The following SEC63 variants were observed in gnomAD, a reference collection of about 807,000 sequenced individuals.
SEC63 encodes the protein SEC63 protein translocation regulator, also known as translocation protein SEC63 homolog.
SEC63 carries 56 observed loss-of-function variants against 116.2 expected under a neutral mutation model. That is an observed-to-expected ratio of 0.48 (90% CI 0.39 to 0.60). SEC63 has a LOEUF of 0.60. Ranked by LOEUF, SEC63 falls within the 20% of genes least tolerant of loss-of-function variation. The probability of loss-of-function intolerance (pLI) is 0.00; values close to 1 mark genes in which losing one functional copy is unlikely to be tolerated. For missense variants in SEC63, 668 were observed against 900.0 expected (o/e 0.74, Z 3.30); for synonymous variants, 273 against 294.6 (o/e 0.93, Z 0.75).
At chr6:107,912,847 G>A in intron 5 of SEC63, 73 bp from the exon 6 acceptor site, 2 of 1,115,574 alleles carry the variant, frequency 1.8e-6, no homozygotes, top group Non-Finnish European at 1.3e-6. Flanking sequence ...AATATATTTG[G>A]GATCTATAAT....
chr6:107,900,104 T>C (rs1786965091), intron 13 of SEC63, among the ~76,000 whole-genome samples: 1 of 152,092 alleles, frequency 6.6e-6, no homozygotes, highest in South Asian at 2.1e-4. Context: ...TATAAATAAA[T>C]GGTACAATGT....
At chr6:107,948,156 A>G (rs1281642463) in intron 1 of SEC63, among the ~76,000 whole-genome samples, 1 of 152,010 alleles carries the variant, frequency 6.6e-6, no homozygotes, top group Non-Finnish European at 1.5e-5. Flanking sequence ...CCAAATCCCA[A>G]AATATAATTA....
At chr6:107,929,170 A>G (rs1407724279) in intron 2 of SEC63, among the ~76,000 whole-genome samples, 1 of 152,186 alleles carries the variant, frequency 6.6e-6, no homozygotes, top group African/African-American at 2.4e-5. Flanking sequence ...CAAGGTGCAC[A>G]AGGTCCCTCA....
At chr6:107,891,219 G>C (rs1224610271) in intron 16 of SEC63, among the ~76,000 whole-genome samples, 2 of 151,934 alleles carry the variant, frequency 1.3e-5, no homozygotes, top group African/African-American at 2.4e-5. Flanking sequence ...ACATAGATTT[G>C]GTCTTTTCAC....
rs1429615853 is a variant in SEC63, at chr6:107,871,345, G to A, written c.*359C>T. 4.2e-6 allele frequency: 1 copy of A among 235,538 alleles called. No homozygotes were observed. Among genetic ancestry groups the A allele is most frequent in the Admixed American group, 5.1e-5 (1 of 19,634 alleles). The allele number at this position is 235,538 out of a possible 1,614,324, so 14.6% of individuals were successfully genotyped here. On this transcript the variant is annotated 3_prime_UTR_variant, in exon 21 of 21. Transcript: ENST00000369002. ...TTTGCTAAAACTAAAGCTGAACAAA[G>A]AAAAGTCGCTCATTTACAGACTGTG...
chr6:107,870,695 T>C lies in SEC63; in HGVS notation c.*1009A>G, dbSNP rs1425526774. 6.6e-6 allele frequency: 1 copy of C among 152,176 alleles called. No homozygotes were observed. The highest frequency in any genetic ancestry group is 1.5e-5 in the Non-Finnish European group (1 of 68,028). 9.4% of individuals were successfully genotyped at this position (152,176 alleles called of 1,614,324 possible). On this transcript the variant is annotated 3_prime_UTR_variant, in exon 21 of 21. Transcript: ENST00000369002. ...TGTACAATACTATTCAATCTTTAGT[T>C]GAAAAATAAAGAAGTGGATTGCCCT... is the stretch of plus-strand genomic sequence containing the variant.
At chr6:107,920,653 G>C (rs1167565821) in intron 4 of SEC63, among the ~76,000 whole-genome samples, 1 of 152,028 alleles carries the variant, frequency 6.6e-6, no homozygotes, top group Non-Finnish European at 1.5e-5. Flanking sequence ...ATACATCACT[G>C]AGTCCTCAAA....
chr6:107,948,542 C>T (rs1389879037), intron 1 of SEC63, among the ~76,000 whole-genome samples: 2 of 152,140 alleles, frequency 1.3e-5, no homozygotes, highest in Non-Finnish European at 2.9e-5. Flanking sequence ...TGCAACTTTC[C>T]GGGAAAGGCT....
At chr6:107,908,790 G>C in intron 8 of SEC63, 137 bp downstream of exon 8, 1 of 547,462 alleles carries the variant, frequency 1.8e-6, no homozygotes, top group South Asian at 2.5e-5. Flanking sequence ...TTTTTCTCTA[G>C]CTTTAATTAT....
chr6:107,947,786 T>C (rs1209137398), intron 1 of SEC63, among the ~76,000 whole-genome samples: 4 of 152,170 alleles, frequency 2.6e-5, no homozygotes, highest in African/African-American at 9.7e-5. Flanking sequence ...TCTGACCACC[T>C]GTCACTGGAA....
chr6:107,924,447 G>A (rs949437882), intron 3 of SEC63, among the ~76,000 whole-genome samples: 16 of 150,034 alleles, frequency 1.1e-4, no homozygotes, highest in Admixed American at 2.7e-4. Flanking sequence ...GCGTGATGGC[G>A]GGCGCCTACC....
At chr6:107,890,680 T>C (rs1786660341) in intron 16 of SEC63, among the ~76,000 whole-genome samples, 1 of 152,176 alleles carries the variant, frequency 6.6e-6, no homozygotes, top group Non-Finnish European at 1.5e-5. Context: ...TCTTTACAAT[T>C]TGGTATGTTT....
chr6:107,930,927 A>G (rs9400162), intron 1 of SEC63, among the ~76,000 whole-genome samples: 148,709 of 152,242 alleles, frequency 0.98, 72,667 homozygotes, highest in African/African-American at 0.99. Flanking sequence ...CCCAGGAGGC[A>G]GAGGTTGCAG....
At chr6:107,888,792 A>G (rs896692505) in intron 16 of SEC63, among the ~76,000 whole-genome samples, 16 of 152,188 alleles carry the variant, frequency 1.1e-4, no homozygotes, top group African/African-American at 3.9e-4. Context: ...GAGAGTTTTT[A>G]GCATGAAGGG....
intron 17 of SEC63, 96 bp downstream of exon 17, chr6:107,882,892 G>A (rs1249911859): frequency 3.2e-5 from 26 of 800,978 alleles, no homozygotes; most frequent in South Asian, 3.0e-4. Context: ...GAAAGCAAGC[G>A]AGCAAGCAAA....
At chr6:107,932,490 A>G (rs1787833712) in intron 1 of SEC63, among the ~76,000 whole-genome samples, 2 of 152,180 alleles carry the variant, frequency 1.3e-5, no homozygotes. Context: ...AGAGGGAGAG[A>G]TCCATGTAGG....
intron 1 of SEC63, among the ~76,000 whole-genome samples, chr6:107,938,935 GT>G (rs935693938): frequency 1.5e-4 from 23 of 152,108 alleles, no homozygotes; most frequent in African/African-American, 5.6e-4. Context: ...TGACTATAAA[GT>G]TTTTCCCAAT....
intron 4 of SEC63, among the ~76,000 whole-genome samples, chr6:107,920,495 A>T (rs765389138): frequency 1.1e-4 from 17 of 152,042 alleles, no homozygotes; most frequent in Admixed American, 2.6e-4. Flanking sequence ...TGTAGTATAA[A>T]CAACTTTTAT....
chr6:107,957,822 C>T, intron 1 of SEC63, 64 bp downstream of exon 1: 1 of 1,458,650 alleles, frequency 6.9e-7, no homozygotes, highest in Admixed American at 2.4e-5. Flanking sequence ...AAGCGGGCGC[C>T]GCAGGGCCTG....
Sources: gnomAD v4.1 joint callset for allele counts (sites outside exome capture counted in the v4.1 genomes callset) on GRCh38, gnomAD v4.1.1 for gene constraint, MANE v1.5 for transcripts, NCBI Gene and HGNC (gene_info 2026-07-23, HGNC 2026-07-21) for gene names.